The following TEAD2 variants were observed in gnomAD, a reference collection of about 807,000 sequenced individuals.
The protein encoded by TEAD2 is TEA domain transcription factor 2, also known as transcriptional enhancer factor TEF-4.
Under a neutral mutation model 61.4 loss-of-function variants are expected in TEAD2, and 51 were observed. The ratio of observed to expected loss-of-function variants is 0.83; its 90% CI spans 0.66 to 1.05. The LOEUF is 1.05. Among genes scored for constraint, TEAD2 ranks in the 50% least tolerant of loss-of-function variants. The pLI is 0.00. For missense variants in TEAD2, 509 were observed against 600.0 expected (o/e 0.85, Z 1.58); for synonymous variants, 244 against 243.2 (o/e 1.00, Z -0.03).
chr19:49,348,213 A>C (rs759145693), intron 9 of TEAD2, among the ~76,000 whole-genome samples: 1 of 152,194 alleles, frequency 6.6e-6, no homozygotes, highest in Non-Finnish European at 1.5e-5. Context: ...GAAATGTTAC[A>C]TGCAACTTAT....
In TEAD2 at chr19:49,341,381, C is replaced by G; in HGVS notation, c.1299G>C (p.Glu433Asp). Residue 433 changes from glutamate to aspartate, a missense_variant, in exon 13 of 13, where the codon GAG becomes GAC. Physicochemically the swap from Glu to Asp is conservative, Grantham distance 45 (BLOSUM62 2). Transcript: ENST00000593945. This position sits in a 1 kb window ranked among gnomAD's most constrained non-coding sequence, Gnocchi z 4.2. ...ELLLCTAYVF[E>D]VSTSERGAQH... ...GGGCCCCACGCTCGCTGGTGGAGAC[C>G]TCGAAGACATAGGCGGTGCAGAGCA... The G allele has an allele frequency of 6.2e-7, 1 of 1,614,050 alleles. No homozygotes were observed. The highest frequency in any genetic ancestry group is 8.5e-7 in the Non-Finnish European group (1 of 1,179,968).
At chr19:49,345,499 C>T (rs781018028) in intron 10 of TEAD2, among the ~76,000 whole-genome samples, 5 of 152,018 alleles carry the variant, frequency 3.3e-5, no homozygotes, top group African/African-American at 4.8e-5. Flanking sequence ...ACCACAGGTG[C>T]GCACCACCAC....
intron 10 of TEAD2, among the ~76,000 whole-genome samples, chr19:49,346,324 C>T (rs373021310): frequency 6.6e-5 from 10 of 152,138 alleles, no homozygotes; most frequent in Non-Finnish European, 1.3e-4. Context: ...TGACACCAGG[C>T]GTCTATATAG....
At chr19:49,347,047 G>T in intron 10 of TEAD2, 143 bp downstream of exon 10, 2 of 1,168,258 alleles carry the variant, frequency 1.7e-6, no homozygotes, top group Non-Finnish European at 2.4e-6. Flanking sequence ...TGCAAAGGGG[G>T]CTGACACTCC....
intron 7 of TEAD2, among the ~76,000 whole-genome samples, chr19:49,352,116 CA>C (rs1469066178): frequency 2.0e-5 from 3 of 151,904 alleles, no homozygotes; most frequent in Non-Finnish European, 4.4e-5. Flanking sequence ...GACCAACACT[CA>C]GGAGATGGGA....
chr19:49,355,273 C>T, intron 6 of TEAD2, 39 bp downstream of exon 6: 3 of 1,613,752 alleles, frequency 1.9e-6, no homozygotes, highest in East Asian at 2.2e-5. Flanking sequence ...CATCCATCCC[C>T]CTTTGCCCCC....
chr19:49,353,202 G>A (rs1056828856), intron 7 of TEAD2, among the ~76,000 whole-genome samples: 15 of 151,800 alleles, frequency 9.9e-5, no homozygotes, highest in Non-Finnish European at 2.1e-4. Context: ...AGGTTCAAGC[G>A]ATTCTCCTGC....
chr19:49,342,704 C>T (rs1971380966), intron 11 of TEAD2, 114 bp from the exon 12 acceptor site: 1 of 1,342,082 alleles, frequency 7.5e-7, no homozygotes, highest in East Asian at 2.4e-5. Flanking sequence ...CTCTCACTGC[C>T]ACCTTCCTTT....
At chr19:49,342,615 G>C in intron 11 of TEAD2, 25 bp from the exon 12 acceptor site, 2 of 1,600,702 alleles carry the variant, frequency 1.2e-6, no homozygotes, top group South Asian at 1.1e-5. Flanking sequence ...AGGGAGTTGG[G>C]AAAATGGTGG....
At chr19:49,360,105 A>G in intron 1 of TEAD2, 24 bp from the exon 2 acceptor site, 1 of 1,577,156 alleles carries the variant, frequency 6.3e-7, no homozygotes, top group Non-Finnish European at 8.6e-7. Context: ...GAACTCAGCA[A>G]GCTTCCCCCA....
intron 10 of TEAD2, among the ~76,000 whole-genome samples, chr19:49,346,248 CA>C (rs1272370904): frequency 2.6e-5 from 4 of 151,580 alleles, no homozygotes; most frequent in African/African-American, 4.9e-5. Context: ...TACTGGACAC[CA>C]AACCAAGTAG....
chr19:49,343,855 T>TTG (rs796254328), intron 10 of TEAD2, among the ~76,000 whole-genome samples: 10 of 113,512 alleles, frequency 8.8e-5, no homozygotes, highest in African/African-American at 3.0e-4. Flanking sequence ...TCTTTTTTTT[T>TTG]GGGGGGGGGG....
chr19:49,362,299 C>T (rs966034824), intron 1 of TEAD2, 34 bp downstream of exon 1: 1 of 152,356 alleles, frequency 6.6e-6, no homozygotes, highest in Admixed American at 6.5e-5. Flanking sequence ...CGCCTCACCT[C>T]CTAAGAAGCA....
intron 4 of TEAD2, 28 bp downstream of exon 4, chr19:49,357,224 C>A (rs1175268641): frequency 1.9e-6 from 3 of 1,610,732 alleles, no homozygotes; most frequent in Non-Finnish European, 2.5e-6. Context: ...CTCTGTCCCC[C>A]TCTCAGGATG....
At chr19:49,360,753 G>A (rs180694559) in intron 1 of TEAD2, among the ~76,000 whole-genome samples, 1,307 of 74,734 alleles carry the variant, frequency 0.017, 19 homozygotes, top group Non-Finnish European at 0.032. Flanking sequence ...ACCCAGAGAG[G>A]GAGGGGGACA....
At chr19:49,349,288 C>G (rs1311647305) in intron 8 of TEAD2, among the ~76,000 whole-genome samples, 1 of 152,206 alleles carries the variant, frequency 6.6e-6, no homozygotes, top group African/African-American at 2.4e-5. Flanking sequence ...ATGGTGAAAC[C>G]CTGTCTCTAC....
Position 49,357,316 on chromosome 19 carries a change from T to C in TEAD2, c.298-2A>G, listed in dbSNP as rs1236282854. On this transcript the variant is annotated splice_acceptor_variant, in intron 3 of 12. Coordinates refer to ENST00000593945, the MANE Select transcript of TEAD2 (RefSeq NM_001256660.2). LOFTEE classifies it high-confidence loss of function. The stretch of plus-strand genomic sequence containing the variant: ...CAAAACCTGGATGTGACTAGAAACC[T>C]GGAAGGATCAACGGAGAAGCAGATT... The C allele has an allele frequency of 6.2e-7, 1 of 1,613,740 alleles. No homozygotes were observed. Among genetic ancestry groups the C allele is most frequent in the South Asian group, 1.1e-5 (1 of 90,986 alleles).
chr19:49,355,077 GGAGT>G, intron 7 of TEAD2, 67 bp downstream of exon 7: 1 of 1,149,332 alleles, frequency 8.7e-7, no homozygotes, highest in East Asian at 2.5e-5. Flanking sequence ...GCTAGAAGGT[GGAGT>G]GAGAAAGGTC....
chr19:49,343,094 C>G, intron 11 of TEAD2, 137 bp downstream of exon 11: 1 of 1,029,362 alleles, frequency 9.7e-7, no homozygotes, highest in African/African-American at 1.6e-5. Flanking sequence ...CATTAGCTCC[C>G]AACGCATGCA....
Sources: allele counts gnomAD v4.1 joint callset (sites outside exome capture counted in the v4.1 genomes callset), GRCh38; gene constraint gnomAD v4.1.1; non-coding constraint Gnocchi (gnomAD v3.1); transcripts MANE v1.5; gene names NCBI Gene and HGNC (gene_info 2026-07-23, HGNC 2026-07-21).